The following SCD5 variants were observed in gnomAD, a reference collection of about 807,000 sequenced individuals.
The protein encoded by SCD5 is stearoyl-CoA desaturase 5, also known as acyl-CoA-desaturase 4.
In SCD5, 20 loss-of-function variants were observed where a neutral mutation model predicts 30.4. That is an observed-to-expected ratio of 0.66 (90% CI 0.46 to 0.96). The LOEUF (loss-of-function observed/expected upper bound fraction) is 0.96. Ranked by LOEUF, SCD5 falls within the 40% of genes least tolerant of loss-of-function variation. SCD5 has a pLI of 0.00. For missense variants in SCD5, 381 were observed against 443.3 expected (o/e 0.86, Z 1.26); for synonymous variants, 173 against 176.4 (o/e 0.98, Z 0.16).
At chr4:82,796,787 G>T (rs1317592588) in intron 1 of SCD5, among the ~76,000 whole-genome samples, 1 of 152,198 alleles carries the variant, frequency 6.6e-6, no homozygotes, top group Non-Finnish European at 1.5e-5. Context: ...GGCAATAAGG[G>T]CTTTGGTTGG....
chr4:82,742,351 G>A (rs1242079574), intron 1 of SCD5, among the ~76,000 whole-genome samples: 2 of 152,152 alleles, frequency 1.3e-5, no homozygotes, highest in Non-Finnish European at 2.9e-5. Context: ...AGAGAGAGCT[G>A]GTGTGAGGTC....
chr4:82,690,884 C>T (rs1190197223), intron 2 of SCD5, among the ~76,000 whole-genome samples: 4 of 152,036 alleles, frequency 2.6e-5, no homozygotes, highest in Non-Finnish European at 5.9e-5. Flanking sequence ...ATCGAGGAGA[C>T]AAATACTAAA....
intron 1 of SCD5, among the ~76,000 whole-genome samples, chr4:82,721,005 A>T (rs1720358780): frequency 6.6e-6 from 1 of 152,102 alleles, no homozygotes; most frequent in South Asian, 2.1e-4. Context: ...GATTAAAAAT[A>T]AAAAAGCTGG....
chr4:82,655,465 G>A (rs1280758995), intron 3 of SCD5, among the ~76,000 whole-genome samples: 1 of 152,214 alleles, frequency 6.6e-6, no homozygotes, highest in Non-Finnish European at 1.5e-5. Context: ...ATGAACAGCA[G>A]TAACATCACC....
intron 1 of SCD5, among the ~76,000 whole-genome samples, chr4:82,733,487 G>A (rs1720686415): frequency 1.3e-5 from 2 of 152,196 alleles, no homozygotes. Flanking sequence ...TCATAGGGTG[G>A]TTGTGAAGAT....
chr4:82,672,044 T>C (rs1728338131), intron 3 of SCD5, among the ~76,000 whole-genome samples: 1 of 152,176 alleles, frequency 6.6e-6, no homozygotes, highest in African/African-American at 2.4e-5. Context: ...ATTTGTGGGA[T>C]GCCATAAAAG....
intron 1 of SCD5, among the ~76,000 whole-genome samples, chr4:82,737,052 C>T (rs558073099): frequency 6.6e-6 from 1 of 152,194 alleles, no homozygotes; most frequent in Non-Finnish European, 1.5e-5. Context: ...TAGTCTCAAA[C>T]ATATACTAGC....
chr4:82,683,822 A>G (rs907819049), intron 2 of SCD5, among the ~76,000 whole-genome samples: 3 of 152,172 alleles, frequency 2.0e-5, no homozygotes. Flanking sequence ...TTGCTCTACC[A>G]TAGTAAGACA....
intron 3 of SCD5, among the ~76,000 whole-genome samples, chr4:82,642,826 C>T (rs1206064285): frequency 6.6e-6 from 1 of 152,332 alleles, no homozygotes; most frequent in East Asian, 1.9e-4. Flanking sequence ...ATTTTTAAAG[C>T]CACCCTGTTG....
At chr4:82,724,197 A>T (rs1388498758) in intron 1 of SCD5, among the ~76,000 whole-genome samples, 3 of 152,242 alleles carry the variant, frequency 2.0e-5, no homozygotes, top group Non-Finnish European at 2.9e-5. Context: ...TGGGGAAAAC[A>T]AGTGTCTTTG....
chr4:82,795,049 TA>T (rs1197016266), intron 1 of SCD5, among the ~76,000 whole-genome samples: 3 of 151,952 alleles, frequency 2.0e-5, no homozygotes, highest in Non-Finnish European at 2.9e-5. Context: ...ACGAAAAGGA[TA>T]AAAAGGGAAA....
intron 1 of SCD5, among the ~76,000 whole-genome samples, chr4:82,748,100 T>C (rs779157405): frequency 3.3e-5 from 5 of 152,232 alleles, no homozygotes; most frequent in Non-Finnish European, 7.3e-5. Context: ...AGCAGAGGAC[T>C]TAGGGCTGGG....
At chr4:82,631,823 T>G (rs964487664) in intron 4 of SCD5, among the ~76,000 whole-genome samples, 1 of 152,234 alleles carries the variant, frequency 6.6e-6, no homozygotes, top group African/African-American at 2.4e-5. Context: ...GATCATCGTT[T>G]TGATGTACAA....
chr4:82,657,791 G>A (rs1400038621), intron 3 of SCD5, among the ~76,000 whole-genome samples: 1 of 152,128 alleles, frequency 6.6e-6, no homozygotes, highest in Non-Finnish European at 1.5e-5. Context: ...GTGGTTTGTA[G>A]TTCTCCTTGA....
At chr4:82,708,450 T>C (rs1053364778) in intron 1 of SCD5, among the ~76,000 whole-genome samples, 1 of 152,170 alleles carries the variant, frequency 6.6e-6, no homozygotes, top group Admixed American at 6.5e-5. Flanking sequence ...ACTTGGACCC[T>C]TGAATCTTCC....
chr4:82,719,075 C>T (rs747310924), intron 1 of SCD5, among the ~76,000 whole-genome samples: 1 of 151,766 alleles, frequency 6.6e-6, no homozygotes, highest in South Asian at 2.1e-4. Flanking sequence ...CCACAACCAA[C>T]CCACAGATTT....
chr4:82,757,446 C>T (rs1387184630), intron 1 of SCD5, among the ~76,000 whole-genome samples: 2 of 152,174 alleles, frequency 1.3e-5, no homozygotes, highest in African/African-American at 2.4e-5. Flanking sequence ...ACCTAGCATT[C>T]AATTCAACTG....
intron 2 of SCD5, among the ~76,000 whole-genome samples, chr4:82,686,295 T>C (rs1001828999): frequency 6.6e-5 from 10 of 152,176 alleles, no homozygotes; most frequent in African/African-American, 2.2e-4. Context: ...CATGAGCCAC[T>C]GCACCCAGCC....
intron 1 of SCD5, among the ~76,000 whole-genome samples, chr4:82,716,795 C>T (rs1186882205): frequency 6.6e-6 from 1 of 151,788 alleles, no homozygotes; most frequent in Non-Finnish European, 1.5e-5. Flanking sequence ...GCCTGGGCAA[C>T]AGAGCTAGAC....
Sources: gnomAD v4.1 joint callset for allele counts (sites outside exome capture counted in the v4.1 genomes callset) on GRCh38, gnomAD v4.1.1 for gene constraint, MANE v1.5 for transcripts, NCBI Gene and HGNC (gene_info 2026-07-23, HGNC 2026-07-21) for gene names.